The following PAX7 variants were observed in gnomAD, a reference collection of about 807,000 sequenced individuals.
PAX7 encodes paired box protein Pax-7.
PAX7 carries 18 observed loss-of-function variants against 50.7 expected under a neutral mutation model. The observed-to-expected ratio is 0.36, with a 90% CI of 0.25 to 0.53. The LOEUF is 0.53. Among genes scored for constraint, PAX7 ranks in the 20% least tolerant of loss-of-function variants. PAX7 has a pLI of 0.93. For synonymous variants in PAX7, 310 were observed against 290.4 expected (o/e 1.07, Z -0.69); for missense variants, 644 against 702.9 (o/e 0.92, Z 0.95).
rs139595562 is a variant in PAX7, at chr1:18,694,408, G to A, written c.786+2455G>A. ...CGGTAGGTGGAGGTTGCAGTGAGCCGAGATCATGCCATTGCACTCCAGCCT... is the reference window on the plus strand; with the variant it reads ...CGGTAGGTGGAGGTTGCAGTGAGCCAAGATCATGCCATTGCACTCCAGCCT... On this transcript the variant is annotated intron_variant, in intron 5 of 8. Transcript: ENST00000420770. 1.9e-3 allele frequency among the ~76,000 whole-genome samples: 285 copies of A among 151,102 alleles called. 1 individual carries two copies. Among genetic ancestry groups the A allele is most frequent in the African/African-American group, 6.6e-3 (269 of 40,948 alleles).
chr1:18,691,919 C>T lies in PAX7; in HGVS notation c.752C>T (p.Ala251Val), dbSNP rs1316753243. The change falls in exon 5 of 9, where the codon GCG becomes GTG. Residue 251 changes from alanine to valine, a missense_variant. By Grantham distance (64) the Ala-to-Val change is moderately conservative. Transcript: ENST00000420770. ...YPDIYTREEL[A>V]QRTKLTEARV... ...GACATATACACCCGCGAGGAGCTGG[C>T]GCAGAGGACCAAGCTGACAGAGGCG... 5 of 1,613,786 alleles carry T rather than the reference C, an allele frequency of 3.1e-6. No individual in the cohort carries two copies. Among genetic ancestry groups the T allele is most frequent in the East Asian group, 2.2e-5 (1 of 44,862 alleles).
intron 7 of PAX7, among the ~76,000 whole-genome samples, chr1:18,723,490 CAAG>C (rs2089519929): frequency 6.6e-6 from 1 of 152,094 alleles, no homozygotes. Flanking sequence ...TCTGAGTGAC[CAAG>C]AAGGTGAGGT....
chr1:18,722,388 G>A (rs548589916), intron 7 of PAX7, among the ~76,000 whole-genome samples: 5 of 152,248 alleles, frequency 3.3e-5, no homozygotes, highest in South Asian at 4.2e-4. Flanking sequence ...GGACTGAAAC[G>A]AGACAACATC....
intron 4 of PAX7, among the ~76,000 whole-genome samples, chr1:18,659,941 G>A (rs552194866): frequency 1.3e-5 from 2 of 152,314 alleles, no homozygotes; most frequent in African/African-American, 4.8e-5. Context: ...CAAAAGAATT[G>A]GGAAAAGCCC....
intron 7 of PAX7, among the ~76,000 whole-genome samples, chr1:18,718,691 G>A (rs1465474139): frequency 2.6e-5 from 4 of 151,116 alleles, no homozygotes; most frequent in Non-Finnish European, 5.9e-5. Flanking sequence ...TCGCCAGGCT[G>A]GAGTTCAGTG....
At chr1:18,691,721 C>T (rs1398657430) in intron 4 of PAX7, 33 bp from the exon 5 acceptor site, 35 of 1,547,756 alleles carry the variant, frequency 2.3e-5, no homozygotes, top group Non-Finnish European at 3.0e-5. Context: ...TCTCTAAGCC[C>T]CTGCCTTCTC....
intron 5 of PAX7, among the ~76,000 whole-genome samples, chr1:18,694,929 C>T (rs1192996607): frequency 1.3e-5 from 2 of 152,032 alleles, no homozygotes; most frequent in African/African-American, 4.8e-5. Flanking sequence ...CCTCAAAGCC[C>T]CCTGAGTACT....
intron 7 of PAX7, among the ~76,000 whole-genome samples, chr1:18,718,920 A>G (rs1294336824): frequency 6.6e-6 from 1 of 152,138 alleles, no homozygotes; most frequent in Admixed American, 6.5e-5. Flanking sequence ...GATTACAGGC[A>G]TGAGCCACGG....
Position 18,631,698 on chromosome 1 carries a change from C to T in PAX7, c.85+10C>T. 2 of 1,606,432 alleles carry T rather than the reference C, an allele frequency of 1.2e-6. No homozygotes were observed. Among genetic ancestry groups the T allele is most frequent in the Non-Finnish European group, 1.7e-6 (2 of 1,176,160 alleles). The stretch of plus-strand genomic sequence containing the variant: ...GGATTCCCTTTGGAAGGTAAGAACG[C>T]CCAGGCTGGCCTCGCCGCGACTCCG... On this transcript the variant is annotated intron_variant, in intron 1 of 8. Transcript: ENST00000420770.
chr1:18,697,350 A>T (rs933516370), intron 5 of PAX7, among the ~76,000 whole-genome samples: 1 of 152,112 alleles, frequency 6.6e-6, no homozygotes, highest in Non-Finnish European at 1.5e-5. Context: ...CCTCTCTGTA[A>T]ACGGGCAGCT....
rs542968563 is a variant in PAX7, at chr1:18,661,832, C to T, written c.586+25461C>T. On this transcript the variant is annotated intron_variant, in intron 4 of 8. Coordinates refer to ENST00000420770, the MANE Select transcript of PAX7 (RefSeq NM_001135254.2). ...GGAGCACAGCCCTGCCCTCTGCCCG[C>T]GCCTTCCAGTGACAGGGGGTGGGCG... is the stretch of plus-strand genomic sequence containing the variant. Among the ~76,000 whole-genome samples the T allele has an allele frequency of 5.3e-5, 8 of 152,200 alleles. No individual in the cohort carries two copies. In the East Asian group the frequency reaches 5.8e-4, roughly 11 times the overall value.
chr1:18,674,455 G>A (rs1429664936), intron 4 of PAX7, among the ~76,000 whole-genome samples: 1 of 152,134 alleles, frequency 6.6e-6, no homozygotes, highest in Non-Finnish European at 1.5e-5. Flanking sequence ...CCAGGGTGGA[G>A]AAGAAGAGGT....
chr1:18,647,428 C>A (rs982851535), intron 4 of PAX7, among the ~76,000 whole-genome samples: 2 of 149,574 alleles, frequency 1.3e-5, no homozygotes, highest in African/African-American at 4.9e-5. Flanking sequence ...GCTGTGGTGG[C>A]CTGCGAATCT....
At chr1:18,741,144 A>G (rs928752486) in intron 8 of PAX7, among the ~76,000 whole-genome samples, 2 of 152,198 alleles carry the variant, frequency 1.3e-5, no homozygotes, top group African/African-American at 4.8e-5. Context: ...AGGATTTGAA[A>G]CACATAGAAA....
Position 18,746,831 on chromosome 1 carries a change from C to G in PAX7, c.*1902C>G, listed in dbSNP as rs991766102. 6 of 231,710 alleles carry G rather than the reference C, an allele frequency of 2.6e-5. No individual in the cohort carries two copies. Among genetic ancestry groups the G allele is most frequent in the African/African-American group, 1.3e-4 (6 of 45,266 alleles). The allele number at this position is 231,710 out of a possible 1,614,324, so 14.4% of individuals were successfully genotyped here. On this transcript the variant is annotated 3_prime_UTR_variant, in exon 9 of 9. Coordinates refer to ENST00000420770, the MANE Select transcript of PAX7 (RefSeq NM_001135254.2). ...TTCTCATCTTCAGACTTGGCGATAT[C>G]AAGCCTGTTCTGGACCATGACCAGG...
At chr1:18,654,612 C>T (rs1213584633) in intron 4 of PAX7, among the ~76,000 whole-genome samples, 1 of 152,178 alleles carries the variant, frequency 6.6e-6, no homozygotes, top group African/African-American at 2.4e-5. Context: ...ACCACAACAG[C>T]GGGTGGGCTG....
intron 7 of PAX7, among the ~76,000 whole-genome samples, chr1:18,706,430 A>C (rs996526125): frequency 6.8e-6 from 1 of 147,250 alleles, no homozygotes; most frequent in South Asian, 2.2e-4. Flanking sequence ...ACTGGAAGGA[A>C]TTTTTTTCTT....
chr1:18,725,213 C>T (rs1409056982), intron 7 of PAX7, among the ~76,000 whole-genome samples: 3 of 152,132 alleles, frequency 2.0e-5, no homozygotes, highest in Admixed American at 6.5e-5. Flanking sequence ...GCTTGTCTGC[C>T]CAGGTACTAA....
chr1:18,631,761 TC>T, intron 1 of PAX7, 73 bp downstream of exon 1: 1 of 1,271,424 alleles, frequency 7.9e-7, no homozygotes, highest in Non-Finnish European at 1.1e-6. Flanking sequence ...GGCTGCGGTC[TC>T]CAGGGGACGG....
Sources: allele counts gnomAD v4.1 joint callset (sites outside exome capture counted in the v4.1 genomes callset), GRCh38; gene constraint gnomAD v4.1.1; transcripts MANE v1.5; gene names NCBI Gene and HGNC (gene_info 2026-07-23, HGNC 2026-07-21).